The following DLGAP1 variants were observed in gnomAD, a reference collection of about 807,000 sequenced individuals.
DLGAP1 encodes the protein disks large-associated protein 1.
Under a neutral mutation model 90.8 loss-of-function variants are expected in DLGAP1, and 11 were observed. The observed-to-expected ratio is 0.12, with a 90% CI of 0.08 to 0.20. The LOEUF (loss-of-function observed/expected upper bound fraction) is 0.20. Among genes scored for constraint, DLGAP1 ranks in the 10% least tolerant of loss-of-function variants. DLGAP1 has a pLI of 1.00. For missense variants in DLGAP1, 1,050 were observed against 1,333.8 expected (o/e 0.79, Z 3.31); for synonymous variants, 558 against 540.7 (o/e 1.03, Z -0.44).
intron 2 of DLGAP1, among the ~76,000 whole-genome samples, chr18:4,034,037 C>CCTT (rs1429797249): frequency 9.0e-5 from 10 of 111,208 alleles, no homozygotes; most frequent in African/African-American, 2.2e-4. Context: ...GCGCCCGGCC[C>CCTT]TTTTTTTTTT....
chr18:4,144,927 C>G (rs1365168067), intron 2 of DLGAP1, among the ~76,000 whole-genome samples: 1 of 152,266 alleles, frequency 6.6e-6, no homozygotes, highest in East Asian at 1.9e-4. Flanking sequence ...AACAAATACT[C>G]AAATATGTGA....
chr18:4,446,529 G>A (rs999414053), intron 1 of DLGAP1, among the ~76,000 whole-genome samples: 3 of 152,116 alleles, frequency 2.0e-5, no homozygotes, highest in African/African-American at 7.2e-5. Flanking sequence ...ACTAAGAGAA[G>A]ATGGGTGTTT....
At position 4,258,004 on chromosome 18, in the gene DLGAP1, TGTGTGTGCGC is replaced by T. The variant is rs1365192999; in HGVS notation, c.-266-106727_-266-106718del. On this transcript the variant is annotated intron_variant, in intron 1 of 12. Transcript: ENST00000315677. ...GTGTGTGTGTGTGTGTGTGTGTGTGTGTGTGTGCGCGCGCGCGCGTATAACCTATGTTGAA... is the reference window on the plus strand; with the variant it reads ...GTGTGTGTGTGTGTGTGTGTGTGTGTGCGCGCGCGTATAACCTATGTTGAA... Among the ~76,000 whole-genome samples the T allele has an allele frequency of 1.2e-3, 170 of 143,292 alleles. 2 individuals carry two copies. Among genetic ancestry groups the T allele is most frequent in the African/African-American group, 4.1e-3 (138 of 33,916 alleles). 94.0% of individuals were successfully genotyped at this position (143,292 alleles called of 152,430 possible).
intron 2 of DLGAP1, among the ~76,000 whole-genome samples, chr18:4,072,661 G>T (rs767732462): frequency 6.6e-6 from 1 of 151,950 alleles, no homozygotes; most frequent in Non-Finnish European, 1.5e-5. Context: ...GTAGAGCCAG[G>T]GTTTTGCCAT....
rs114257723 is a variant in DLGAP1 at position 3,751,365 on chromosome 18, C to A, written c.1173-8853G>T. Among the ~76,000 whole-genome samples, 548 of 150,408 alleles carry A rather than the reference C, an allele frequency of 3.6e-3. 4 individuals are homozygous for A. The highest frequency in any genetic ancestry group is 0.013 in the African/African-American group (525 of 40,870). ...AGGCTGGAGTGCAATGGTGCTATCA[C>A]AGCTCACTGAGGCCTCGAACTCCTG... On this transcript the variant is annotated intron_variant, in intron 5 of 12. Transcript: ENST00000315677.
intron 7 of DLGAP1, among the ~76,000 whole-genome samples, chr18:3,600,657 T>G (rs1244782811): frequency 6.8e-5 from 10 of 147,314 alleles, no homozygotes; most frequent in Admixed American, 4.8e-4. Flanking sequence ...GAGATATAGA[T>G]ATCTATAGAG....
intron 3 of DLGAP1, among the ~76,000 whole-genome samples, chr18:3,976,006 G>T (rs1046140078): frequency 6.6e-6 from 1 of 151,942 alleles, no homozygotes; most frequent in Non-Finnish European, 1.5e-5. Flanking sequence ...GGTGGTGACG[G>T]TTGTACAACA....
chr18:4,126,909 C>T (rs893864382), intron 2 of DLGAP1, among the ~76,000 whole-genome samples: 1 of 152,202 alleles, frequency 6.6e-6, no homozygotes, highest in Non-Finnish European at 1.5e-5. Flanking sequence ...GAAATGAGAA[C>T]ATCCTACAGG....
chr18:3,642,350 T>G (rs906304448), intron 7 of DLGAP1, among the ~76,000 whole-genome samples: 2 of 152,224 alleles, frequency 1.3e-5, no homozygotes, highest in Non-Finnish European at 2.9e-5. Flanking sequence ...ATTTCAGTGC[T>G]CAAAAAGTTT....
intron 2 of DLGAP1, among the ~76,000 whole-genome samples, chr18:4,066,434 C>G (rs895197768): frequency 6.6e-6 from 1 of 151,970 alleles, no homozygotes; most frequent in Admixed American, 6.6e-5. Context: ...ATGCATCTGA[C>G]AAGGTCTAAT....
chr18:4,444,393 C>T (rs958384755), intron 1 of DLGAP1, among the ~76,000 whole-genome samples: 4 of 152,100 alleles, frequency 2.6e-5, no homozygotes, highest in African/African-American at 9.7e-5. Flanking sequence ...TTTTGACTTC[C>T]TTTGTAATCT....
At chr18:3,591,404 T>C (rs899651759) in intron 7 of DLGAP1, among the ~76,000 whole-genome samples, 4 of 152,112 alleles carry the variant, frequency 2.6e-5, no homozygotes, top group African/African-American at 9.7e-5. Flanking sequence ...AGTATGGACC[T>C]AGGCCTGTTG....
intron 1 of DLGAP1, among the ~76,000 whole-genome samples, chr18:4,209,013 C>T (rs932727863): frequency 2.0e-5 from 3 of 152,246 alleles, no homozygotes; most frequent in South Asian, 2.1e-4. Context: ...AAGTAAATAA[C>T]GGTAACTGTC....
At chr18:3,676,716 T>C (rs771769542) in intron 7 of DLGAP1, among the ~76,000 whole-genome samples, 7 of 151,840 alleles carry the variant, frequency 4.6e-5, no homozygotes, top group Admixed American at 1.3e-4. Flanking sequence ...GAAGAAATTG[T>C]GAGGTCAGTA....
At chr18:4,118,930 A>C in intron 2 of DLGAP1, among the ~76,000 whole-genome samples, 1 of 151,686 alleles carries the variant, frequency 6.6e-6, no homozygotes, top group South Asian at 2.1e-4. Context: ...ATTCTGAGGG[A>C]CTCTTCACTC....
chr18:3,620,580 G>A (rs1390467473), intron 7 of DLGAP1, among the ~76,000 whole-genome samples: 2 of 151,736 alleles, frequency 1.3e-5, no homozygotes, highest in Admixed American at 1.3e-4. Context: ...TTTTTGAGAT[G>A]GAGTTTCACT....
At chr18:3,555,317 A>G (rs767399105) in intron 9 of DLGAP1, among the ~76,000 whole-genome samples, 10 of 152,334 alleles carry the variant, frequency 6.6e-5, no homozygotes, top group Admixed American at 2.0e-4. Flanking sequence ...AAAGCTAAGT[A>G]CTAAAATTGG....
At chr18:4,262,871 C>CT (rs1324143855) in intron 1 of DLGAP1, among the ~76,000 whole-genome samples, 1 of 152,148 alleles carries the variant, frequency 6.6e-6, no homozygotes, top group Non-Finnish European at 1.5e-5. Context: ...CTGTAAAGCA[C>CT]TAAGAACAGA....
intron 7 of DLGAP1, among the ~76,000 whole-genome samples, chr18:3,696,173 T>C (rs953529758): frequency 3.3e-5 from 5 of 152,196 alleles, no homozygotes; most frequent in Non-Finnish European, 5.9e-5. Context: ...CTCTTCCTAT[T>C]TGAATACGCT....
Sources: allele counts gnomAD v4.1 joint callset (sites outside exome capture counted in the v4.1 genomes callset), GRCh38; gene constraint gnomAD v4.1.1; transcripts MANE v1.5; gene names NCBI Gene and HGNC (gene_info 2026-07-23, HGNC 2026-07-21).